FAM78B: variants seen among roughly 807,000 people sequenced by gnomAD.
FAM78B encodes the protein family with sequence similarity 78 member B.
Under a neutral mutation model 20.0 loss-of-function variants are expected in FAM78B, and 10 were observed. The observed-to-expected ratio is 0.50, with a 90% CI of 0.31 to 0.85. The LOEUF (loss-of-function observed/expected upper bound fraction) is 0.85. Ranked by LOEUF, FAM78B falls within the 40% of genes least tolerant of loss-of-function variation. The pLI is 0.05. For missense variants in FAM78B, 283 were observed against 345.0 expected (o/e 0.82, Z 1.42); for synonymous variants, 135 against 132.8 (o/e 1.02, Z -0.12).
At chr1:166,139,489 T>C (rs539244906) in intron 1 of FAM78B, among the ~76,000 whole-genome samples, 1 of 152,038 alleles carries the variant, frequency 6.6e-6, no homozygotes, top group Admixed American at 6.5e-5. Context: ...CCCGAGACAA[T>C]AATTAAAATT....
At position 166,117,747 on chromosome 1, in the gene FAM78B, A is replaced by G. The variant is rs192582406; in HGVS notation, c.264-46984T>C. ...TCTAAAGGGTTATGGTATATTCTAA[A>G]CCTTTTTCCTAAATGAATTGGGACC... On this transcript the variant is annotated intron_variant, in intron 1 of 1. Coordinates refer to ENST00000354422, the MANE Select transcript of FAM78B (RefSeq NM_001017961.5). 2.6e-5 allele frequency among the ~76,000 whole-genome samples: 4 copies of G among 152,188 alleles called. No homozygotes were observed. In the East Asian group the frequency reaches 7.7e-4, roughly 29 times the overall value.
At chr1:166,124,257 C>T (rs1293058966) in intron 1 of FAM78B, among the ~76,000 whole-genome samples, 1 of 152,208 alleles carries the variant, frequency 6.6e-6, no homozygotes, top group East Asian at 1.9e-4. Context: ...TTCACAGTTG[C>T]TTCTCCCCAG....
chr1:166,153,331 C>T (rs1407615894), intron 1 of FAM78B, among the ~76,000 whole-genome samples: 1 of 152,156 alleles, frequency 6.6e-6, no homozygotes, highest in African/African-American at 2.4e-5. Flanking sequence ...TGGCTAAAGC[C>T]CTGCAGCTTG....
chr1:166,140,820 T>C (rs745334151), intron 1 of FAM78B, among the ~76,000 whole-genome samples: 4 of 152,232 alleles, frequency 2.6e-5, no homozygotes, highest in Non-Finnish European at 5.9e-5. Flanking sequence ...AGGAAGTGAC[T>C]TGAAGTTTAC....
intron 1 of FAM78B, among the ~76,000 whole-genome samples, chr1:166,098,931 A>T (rs182502286): frequency 4.3e-4 from 65 of 152,312 alleles, no homozygotes; most frequent in Non-Finnish European, 6.8e-4. Context: ...ATCTTTGCCT[A>T]GACACACTGT....
At chr1:166,115,129 C>T (rs1489000714) in intron 1 of FAM78B, among the ~76,000 whole-genome samples, 1 of 152,140 alleles carries the variant, frequency 6.6e-6, no homozygotes, top group Non-Finnish European at 1.5e-5. Flanking sequence ...CTACTGAGTG[C>T]CAGAGACCGC....
chr1:166,089,317 T>C (rs1240994959), intron 1 of FAM78B, among the ~76,000 whole-genome samples: 3 of 152,222 alleles, frequency 2.0e-5, no homozygotes, highest in South Asian at 2.1e-4. Flanking sequence ...ACACCTTAAC[T>C]GATCACTGCT....
rs1300124049 is a variant in FAM78B at position 166,109,840 on chromosome 1, GTATATA to G, written c.264-39083_264-39078del. On this transcript the variant is annotated intron_variant, in intron 1 of 1. Coordinates refer to ENST00000354422, the MANE Select transcript of FAM78B (RefSeq NM_001017961.5). Reference sequence around the variant, plus strand: ...TATATATATATATATATGTATATATGTATATATATATATATATATATGTATGTGTAT... The same window carrying G: ...TATATATATATATATATGTATATATGTATATATATATATATGTATGTGTAT... Among the ~76,000 whole-genome samples, 13 of 25,906 alleles carry G rather than the reference GTATATA, an allele frequency of 5.0e-4. 1 individual carries two copies. The highest frequency in any genetic ancestry group is 1.4e-3 in the African/African-American group (13 of 9,130). 17.0% of individuals were successfully genotyped at this position (25,906 alleles called of 152,430 possible). A position where few individuals can be genotyped will look rare whatever the true frequency, so the allele number is the denominator to read the frequency against.
chr1:166,073,225 G>A (rs1259254141), intron 1 of FAM78B, among the ~76,000 whole-genome samples: 2 of 152,158 alleles, frequency 1.3e-5, no homozygotes, highest in African/African-American at 4.8e-5. Flanking sequence ...TGGGAATAGT[G>A]ACATTGGAGG....
intron 1 of FAM78B, among the ~76,000 whole-genome samples, chr1:166,086,803 C>A (rs1652848776): frequency 6.6e-6 from 1 of 152,156 alleles, no homozygotes; most frequent in African/African-American, 2.4e-5. Context: ...GAGTGCCTGT[C>A]TGCAGTTGGC....
In FAM78B at chr1:166,131,541, G is replaced by A. The variant is rs188527884; in HGVS notation, c.263+34445C>T. The stretch of plus-strand genomic sequence containing the variant: ...TTTACTGAGACCAAGCAACAGCAAC[G>A]TTAGTTTTCCTGGTACGTGTGTCTG... On this transcript the variant is annotated intron_variant, in intron 1 of 1. Transcript: ENST00000354422. Among the ~76,000 whole-genome samples, 85 of 152,234 alleles carry A rather than the reference G, an allele frequency of 5.6e-4. No individual in the cohort carries two copies. In the Middle Eastern group the frequency reaches 0.01, roughly 18 times the overall value.
At chr1:166,102,010 C>T (rs1241174774) in intron 1 of FAM78B, among the ~76,000 whole-genome samples, 1 of 152,184 alleles carries the variant, frequency 6.6e-6, no homozygotes, top group Non-Finnish European at 1.5e-5. Context: ...CAGCTGAACT[C>T]TCGGCAGAAA....
chr1:166,098,697 A>C (rs1326845442), intron 1 of FAM78B, among the ~76,000 whole-genome samples: 2 of 152,104 alleles, frequency 1.3e-5, no homozygotes, highest in African/African-American at 2.4e-5. Flanking sequence ...AAGACAAAGA[A>C]AAAAGAATAA....
chr1:166,122,037 C>A (rs1422887582), intron 1 of FAM78B, among the ~76,000 whole-genome samples: 1 of 152,216 alleles, frequency 6.6e-6, no homozygotes, highest in Non-Finnish European at 1.5e-5. Flanking sequence ...CATCACCACA[C>A]CTCTGACTGC....
intron 1 of FAM78B, among the ~76,000 whole-genome samples, chr1:166,152,358 G>T (rs73046935): frequency 2.3e-3 from 346 of 152,336 alleles, no homozygotes; most frequent in African/African-American, 7.8e-3. Context: ...CAAAGGTCAA[G>T]AATTTGTCTG....
At chr1:166,149,718 G>A (rs766345395) in intron 1 of FAM78B, among the ~76,000 whole-genome samples, 8 of 152,118 alleles carry the variant, frequency 5.3e-5, no homozygotes, top group Non-Finnish European at 1.0e-4. Context: ...TACATTCAAG[G>A]TTTATATGGC....
At chr1:166,111,759 G>C (rs928211947) in intron 1 of FAM78B, among the ~76,000 whole-genome samples, 1 of 152,158 alleles carries the variant, frequency 6.6e-6, no homozygotes, top group South Asian at 2.1e-4. Flanking sequence ...ATAGTTCTTG[G>C]CACATAATAA....
chr1:166,109,900 A>ATATG (rs1249433802), intron 1 of FAM78B, among the ~76,000 whole-genome samples: 6 of 102,782 alleles, frequency 5.8e-5, no homozygotes, highest in Non-Finnish European at 8.3e-5. Flanking sequence ...GTATATATAT[A>ATATG]TATATATATA....
At chr1:166,126,418 A>G (rs1190105739) in intron 1 of FAM78B, among the ~76,000 whole-genome samples, 4 of 152,228 alleles carry the variant, frequency 2.6e-5, no homozygotes, top group Admixed American at 1.3e-4. Flanking sequence ...GTAGTAGGTT[A>G]GGGAGAAATA....
Sources: allele counts gnomAD v4.1 joint callset (sites outside exome capture counted in the v4.1 genomes callset), GRCh38; gene constraint gnomAD v4.1.1; transcripts MANE v1.5; gene names NCBI Gene and HGNC (gene_info 2026-07-23, HGNC 2026-07-21).